The following CNTN5 variants were observed in gnomAD, a reference collection of about 807,000 sequenced individuals.
CNTN5 encodes contactin-5.
In CNTN5, 77 loss-of-function variants were observed where a neutral mutation model predicts 129.1. That is an observed-to-expected ratio of 0.60 (90% confidence interval 0.50 to 0.72). CNTN5 has a LOEUF of 0.72. CNTN5 is among the 30% of genes least tolerant of loss of function. The pLI is 0.00. For synonymous variants in CNTN5, 509 were observed against 465.6 expected, an observed-to-expected ratio of 1.09 and a Z score of -1.20; for missense variants, 1,478 against 1,328.8, an observed-to-expected ratio of 1.11 and a Z score of -1.75.
chr11:100,358,827 G>A lies in CNTN5; in HGVS notation c.*2607G>A, dbSNP rs191866632. 1 of 151,816 alleles carries A rather than the reference G, an allele frequency of 6.6e-6. No homozygotes were observed. Among genetic ancestry groups the A allele is most frequent in the Non-Finnish European group, 1.5e-5 (1 of 67,850 alleles). 9.4% of individuals were successfully genotyped at this position (151,816 alleles called of 1,614,324 possible). On this transcript the variant is annotated 3_prime_UTR_variant, in exon 25 of 25. Transcript: ENST00000524871. ...AGGCACAGTCAAATAATAGTTCTGT[G>A]TACTGTTCTTGTAACATTAGATCTT...
At chr11:99,755,700 T>A (rs1359848175) in intron 3 of CNTN5, among the ~76,000 whole-genome samples, 1 of 152,074 alleles carries the variant, frequency 6.6e-6, no homozygotes, top group African/African-American at 2.4e-5. Context: ...TTTCATAGCT[T>A]TTTCATTCTG....
rs139296607 is a variant in CNTN5, at chr11:100,032,258, G to A, written c.981-28954G>A. On this transcript the variant is annotated intron_variant, in intron 9 of 24. Coordinates refer to ENST00000524871, the MANE Select transcript of CNTN5 (RefSeq NM_014361.4). The stretch of plus-strand genomic sequence containing the variant: ...CAAATTAGGTTATCTGAGTGTTCTA[G>A]TGCTTTTTTTGCTGTAGTATTTAGT... Among the ~76,000 whole-genome samples the A allele has an allele frequency of 4.9e-3, 738 of 152,136 alleles. 3 individuals are homozygous for A. Among genetic ancestry groups the A allele is most frequent in the Non-Finnish European group, 8.4e-3 (572 of 68,008 alleles).
At chr11:99,554,136 A>G (rs3809011) in intron 2 of CNTN5, among the ~76,000 whole-genome samples, 13,359 of 151,956 alleles carry the variant, frequency 0.088, 1,160 homozygotes, top group East Asian at 0.33. Flanking sequence ...ATTTCATAAC[A>G]CCCCTACATG....
At chr11:99,949,091 T>C (rs997054869) in intron 7 of CNTN5, among the ~76,000 whole-genome samples, 1 of 152,204 alleles carries the variant, frequency 6.6e-6, no homozygotes, top group African/African-American at 2.4e-5. Context: ...CATCCCTGGT[T>C]AGCTTTATTT....
At chr11:99,769,889 A>G (rs1342922301) in intron 3 of CNTN5, among the ~76,000 whole-genome samples, 1 of 152,096 alleles carries the variant, frequency 6.6e-6, no homozygotes, top group Non-Finnish European at 1.5e-5. Context: ...ATAGACAAAC[A>G]GCCTTATCAA....
At chr11:99,185,816 ATCAAAATAAC>A (rs1565386197) in intron 1 of CNTN5, among the ~76,000 whole-genome samples, 1 of 144,882 alleles carries the variant, frequency 6.9e-6, no homozygotes, top group African/African-American at 2.5e-5. Context: ...AAAATAACCC[ATCAAAATAAC>A]GGAGAGGAAA....
intron 21 of CNTN5, among the ~76,000 whole-genome samples, chr11:100,310,673 A>G (rs912613328): frequency 1.4e-5 from 2 of 147,826 alleles, no homozygotes; most frequent in African/African-American, 2.6e-5. Flanking sequence ...GATACAGACT[A>G]TGTAGAAAAA....
chr11:99,841,071 C>T (rs937108116), intron 4 of CNTN5, among the ~76,000 whole-genome samples: 16 of 152,080 alleles, frequency 1.1e-4, no homozygotes, highest in Middle Eastern at 3.2e-3. Flanking sequence ...GGGAAGGGAG[C>T]CACTGTTTAA....
chr11:99,854,289 A>G (rs998179515), intron 6 of CNTN5, among the ~76,000 whole-genome samples: 2 of 152,142 alleles, frequency 1.3e-5, no homozygotes, highest in African/African-American at 4.8e-5. Context: ...TGACTAGGTT[A>G]CCCCTACATA....
At chr11:99,522,986 ATACT>A (rs1233500020) in intron 2 of CNTN5, among the ~76,000 whole-genome samples, 1 of 152,188 alleles carries the variant, frequency 6.6e-6, no homozygotes, top group Admixed American at 6.5e-5. Context: ...AAAGTCCAAG[ATACT>A]TACTTATGTT....
chr11:99,977,915 G>T (rs1214986662), intron 8 of CNTN5, among the ~76,000 whole-genome samples: 1 of 152,100 alleles, frequency 6.6e-6, no homozygotes. Context: ...TAAAAATAAG[G>T]TTCAACAATG....
chr11:99,227,057 G>GCT (rs1283088807), intron 1 of CNTN5, among the ~76,000 whole-genome samples: 1 of 152,036 alleles, frequency 6.6e-6, no homozygotes, highest in Non-Finnish European at 1.5e-5. Flanking sequence ...CTGCAAAACA[G>GCT]CTCTTAAAAT....
At chr11:100,015,887 G>A (rs1426770489) in intron 9 of CNTN5, among the ~76,000 whole-genome samples, 1 of 151,760 alleles carries the variant, frequency 6.6e-6, no homozygotes, top group African/African-American at 2.4e-5. Context: ...TTCTAATCTA[G>A]AATTATAATT....
intron 1 of CNTN5, among the ~76,000 whole-genome samples, chr11:99,290,504 T>C (rs1180406698): frequency 1.3e-5 from 2 of 151,850 alleles, no homozygotes; most frequent in Non-Finnish European, 3.0e-5. Context: ...GCAGGTAACA[T>C]AGACAGAGGT....
At chr11:100,139,508 C>A (rs981097288) in intron 13 of CNTN5, among the ~76,000 whole-genome samples, 1 of 152,200 alleles carries the variant, frequency 6.6e-6, no homozygotes, top group Non-Finnish European at 1.5e-5. Context: ...TCAGTGGTAA[C>A]CTTGACAGGA....
intron 1 of CNTN5, among the ~76,000 whole-genome samples, chr11:99,102,169 G>T (rs1176760598): frequency 2.0e-5 from 3 of 152,070 alleles, no homozygotes; most frequent in Admixed American, 6.5e-5. Context: ...GGGACACAAG[G>T]CACCAAGTAC....
intron 13 of CNTN5, among the ~76,000 whole-genome samples, chr11:100,190,805 C>T (rs1024584177): frequency 6.6e-6 from 1 of 151,258 alleles, no homozygotes; most frequent in African/African-American, 2.4e-5. Context: ...ATTAAAATAT[C>T]ACTGGGTGAT....
chr11:99,951,098 C>A (rs1565712555), intron 7 of CNTN5, among the ~76,000 whole-genome samples: 1 of 151,942 alleles, frequency 6.6e-6, no homozygotes, highest in Non-Finnish European at 1.5e-5. Context: ...AATGCTTGAG[C>A]AAAATTAAAT....
intron 9 of CNTN5, among the ~76,000 whole-genome samples, chr11:100,013,462 G>A (rs1940644347): frequency 6.6e-6 from 1 of 152,026 alleles, no homozygotes; most frequent in Non-Finnish European, 1.5e-5. Context: ...GAACAAAAAA[G>A]GACAATTTTA....
Sources: gnomAD v4.1 joint callset for allele counts (sites outside exome capture counted in the v4.1 genomes callset) on GRCh38, gnomAD v4.1.1 for gene constraint, MANE v1.5 for transcripts, NCBI Gene and HGNC (gene_info 2026-07-23, HGNC 2026-07-21) for gene names.